The following CNBD1 variants were observed in gnomAD, a reference collection of about 807,000 sequenced individuals.
The protein encoded by CNBD1 is cyclic nucleotide-binding domain-containing protein 1.
A neutral mutation model predicts 54.4 loss-of-function variants in CNBD1; 71 were observed. The observed-to-expected ratio is 1.30, with a 90% CI of 1.08 to 1.59. CNBD1 has a LOEUF of 1.59. Among genes scored for constraint, CNBD1 ranks in the 40% most tolerant of loss-of-function variants. The pLI, the probability that CNBD1 is intolerant of heterozygous loss-of-function variation, is 0.00. For missense variants in CNBD1, 659 were observed against 518.0 expected, an observed-to-expected ratio of 1.27 and a Z score of -2.64; for synonymous variants, 182 against 170.7, an observed-to-expected ratio of 1.07 and a Z score of -0.51.
intron 4 of CNBD1, among the ~76,000 whole-genome samples, chr8:86,973,243 A>G (rs959578285): frequency 1.6e-4 from 25 of 152,164 alleles, no homozygotes; most frequent in Admixed American, 1.4e-3. Context: ...TCTGCTTTGA[A>G]TGTCTCTTCT....
chr8:87,342,022 C>G (rs745588727), intron 8 of CNBD1, among the ~76,000 whole-genome samples: 2 of 152,166 alleles, frequency 1.3e-5, no homozygotes, highest in African/African-American at 4.8e-5. Flanking sequence ...GCCTGTAATC[C>G]TAGCACTTTG....
chr8:87,300,186 A>C (rs1378324159), intron 8 of CNBD1, among the ~76,000 whole-genome samples: 1 of 152,190 alleles, frequency 6.6e-6, no homozygotes, highest in Admixed American at 6.5e-5. Flanking sequence ...TGAATTATAA[A>C]GTATTTTTAA....
chr8:86,930,648 T>C (rs1484558563), intron 3 of CNBD1, among the ~76,000 whole-genome samples: 1 of 152,190 alleles, frequency 6.6e-6, no homozygotes, highest in African/African-American at 2.4e-5. Flanking sequence ...CTCTGGTATT[T>C]GAGAGAGCGG....
intron 4 of CNBD1, among the ~76,000 whole-genome samples, chr8:87,034,224 G>A (rs1809857214): frequency 6.6e-6 from 1 of 152,160 alleles, no homozygotes; most frequent in African/African-American, 2.4e-5. Context: ...GTAATAATTT[G>A]ACTTTTCTCT....
chr8:86,913,541 C>T (rs556222492), intron 3 of CNBD1, among the ~76,000 whole-genome samples: 53 of 152,096 alleles, frequency 3.5e-4, no homozygotes, highest in African/African-American at 7.7e-4. Context: ...CATCACATGT[C>T]GGCGGGTTCT....
intron 3 of CNBD1, among the ~76,000 whole-genome samples, chr8:86,933,742 A>C (rs1809497881): frequency 6.6e-6 from 1 of 152,158 alleles, no homozygotes; most frequent in South Asian, 2.1e-4. Flanking sequence ...TTTAACTTGC[A>C]ATATATTATG....
intron 4 of CNBD1, among the ~76,000 whole-genome samples, chr8:87,174,371 C>A (rs1187030727): frequency 6.6e-6 from 1 of 152,108 alleles, no homozygotes; most frequent in Non-Finnish European, 1.5e-5. Flanking sequence ...ATTTCTGATG[C>A]ATTCTTCAGT....
At chr8:87,033,332 C>T (rs1809835376) in intron 4 of CNBD1, among the ~76,000 whole-genome samples, 1 of 152,136 alleles carries the variant, frequency 6.6e-6, no homozygotes. Flanking sequence ...TGGTGTAGAA[C>T]TCATGAAGTT....
chr8:86,993,369 T>C (rs1252538734), intron 4 of CNBD1, among the ~76,000 whole-genome samples: 2 of 152,206 alleles, frequency 1.3e-5, no homozygotes, highest in Non-Finnish European at 2.9e-5. Context: ...TGGATTGTTT[T>C]ACTAGAGTCC....
chr8:87,152,553 G>A (rs1041090864), intron 4 of CNBD1, among the ~76,000 whole-genome samples: 1 of 151,992 alleles, frequency 6.6e-6, no homozygotes, highest in Non-Finnish European at 1.5e-5. Flanking sequence ...ACAGGCTGTG[G>A]GCTGGACAAG....
intron 4 of CNBD1, among the ~76,000 whole-genome samples, chr8:87,017,103 A>T (rs1809372410): frequency 6.6e-6 from 1 of 152,082 alleles, no homozygotes; most frequent in Non-Finnish European, 1.5e-5. Context: ...CCTGCTGGGA[A>T]CCCCGACCCT....
intron 5 of CNBD1, among the ~76,000 whole-genome samples, chr8:87,212,815 A>G (rs549340875): frequency 6.6e-6 from 1 of 152,298 alleles, no homozygotes; most frequent in African/African-American, 2.4e-5. Flanking sequence ...TACACATAAC[A>G]CTGACAGTAC....
chr8:86,980,870 G>C (rs1019054006), intron 4 of CNBD1, among the ~76,000 whole-genome samples: 3 of 152,110 alleles, frequency 2.0e-5, no homozygotes, highest in African/African-American at 7.2e-5. Context: ...CACAAACTTA[G>C]GATATTCTGG....
intron 2 of CNBD1, among the ~76,000 whole-genome samples, chr8:87,409,241 G>A (rs967009628): frequency 6.6e-6 from 1 of 152,128 alleles, no homozygotes; most frequent in Non-Finnish European, 1.5e-5. Context: ...TCTTACTGCT[G>A]ATACAGAGAA....
At chr8:87,245,261 A>C (rs1807780570) in intron 6 of CNBD1, among the ~76,000 whole-genome samples, 1 of 152,066 alleles carries the variant, frequency 6.6e-6, no homozygotes, top group Non-Finnish European at 1.5e-5. Context: ...TTAGAGAAAA[A>C]GTAAAAATTA....
intron 8 of CNBD1, among the ~76,000 whole-genome samples, chr8:87,304,723 T>G (rs1413400128): frequency 3.3e-5 from 5 of 152,038 alleles, no homozygotes; most frequent in Non-Finnish European, 1.5e-5. Flanking sequence ...ACTTTATTAT[T>G]AAAACTCTCA....
At chr8:87,423,539 G>T (rs1807984436) in intron 2 of CNBD1, among the ~76,000 whole-genome samples, 1 of 150,870 alleles carries the variant, frequency 6.6e-6, no homozygotes, top group Non-Finnish European at 1.5e-5. Context: ...ATAATCATGT[G>T]GTTTCTGTCT....
intron 4 of CNBD1, among the ~76,000 whole-genome samples, chr8:87,015,163 T>C (rs919573663): frequency 6.6e-6 from 1 of 152,208 alleles, no homozygotes; most frequent in Non-Finnish European, 1.5e-5. Flanking sequence ...AAGATTTTAT[T>C]ACAAATATTG....
chr8:87,258,679 A>G (rs1377762393), intron 6 of CNBD1, among the ~76,000 whole-genome samples: 1 of 152,118 alleles, frequency 6.6e-6, no homozygotes, highest in Non-Finnish European at 1.5e-5. Flanking sequence ...ATTAATGTCA[A>G]CCCCAATTTT....
Sources: allele counts gnomAD v4.1 joint callset (sites outside exome capture counted in the v4.1 genomes callset), GRCh38; gene constraint gnomAD v4.1.1; transcripts MANE v1.5; gene names NCBI Gene and HGNC (gene_info 2026-07-23, HGNC 2026-07-21).